The following BUB1B variants were observed in gnomAD, a reference collection of about 807,000 sequenced individuals.
The protein encoded by BUB1B is BUB1 mitotic checkpoint serine/threonine kinase B.
Under a neutral mutation model 137.7 loss-of-function variants are expected in BUB1B, and 86 were observed. The observed-to-expected ratio is 0.62, with a 90% CI of 0.52 to 0.75. BUB1B has a LOEUF of 0.75. Among genes scored for constraint, BUB1B ranks in the 30% least tolerant of loss-of-function variants. The pLI, the probability that BUB1B is intolerant of heterozygous loss-of-function variation, is 0.00. For missense variants in BUB1B, 1,130 were observed against 1,236.9 expected, an observed-to-expected ratio of 0.91 and a Z score of 1.30; for synonymous variants, 420 against 417.9, an observed-to-expected ratio of 1.00 and a Z score of -0.06.
Position 40,170,544 on chromosome 15 carries a change from A to G in BUB1B, c.247A>G (p.Ser83Gly), listed in dbSNP as rs147832586. 3.7e-6 allele frequency: 6 copies of G among 1,613,658 alleles called. No individual in the cohort carries two copies. Among genetic ancestry groups the G allele is most frequent in the Non-Finnish European group, 5.1e-6 (6 of 1,179,620 alleles). ...CTTTTTCCTCCCATTTAGGTATATC[A>G]GCTGGACAGAGCAGAACTATCCTCA... ...DPLDVWDRYI[S>G]WTEQNYPQGG... Residue 83 changes from serine (S) to glycine (G), a missense_variant, in exon 4 of 23, where the codon AGC (serine) becomes GGC (glycine). Transcript: ENST00000287598.
chr15:40,207,133 C>T (rs966988714), intron 15 of BUB1B, among the ~76,000 whole-genome samples: 4 of 152,022 alleles, frequency 2.6e-5, no homozygotes, highest in African/African-American at 9.7e-5. Flanking sequence ...TTTAAATAGG[C>T]AACTAGAGAT....
rs2037635089 is a variant in BUB1B at position 40,206,272 on chromosome 15, C to T, written c.1823C>T (p.Thr608Ile). The change falls in exon 15 of 23, where the codon ACT becomes ATT. Residue 608 changes from threonine to isoleucine, a missense_variant. Coordinates refer to ENST00000287598, the MANE Select transcript of BUB1B (RefSeq NM_001211.6). ...NVTICPNPED[T>I]CDFARAARFV... ...ACAATTTGTCCTAACCCAGAAGACACTTGTGACTTTGCCAGAGCAGCTCGT... is the reference window on the plus strand; with the variant it reads ...ACAATTTGTCCTAACCCAGAAGACATTTGTGACTTTGCCAGAGCAGCTCGT... 1 of 1,614,156 alleles carries T rather than the reference C, an allele frequency of 6.2e-7. No homozygotes were observed. Among genetic ancestry groups the T allele is most frequent in the East Asian group, 2.2e-5 (1 of 44,884 alleles).
chr15:40,206,899 TC>T (rs764547399), intron 15 of BUB1B, among the ~76,000 whole-genome samples: 86 of 152,298 alleles, frequency 5.6e-4, no homozygotes, highest in Non-Finnish European at 1.1e-3. Context: ...AACCTCCGTC[TC>T]CCGGGTTCAA....
intron 2 of BUB1B, among the ~76,000 whole-genome samples, chr15:40,168,367 C>G (rs1486772022): frequency 7.1e-6 from 1 of 140,062 alleles, no homozygotes; most frequent in Non-Finnish European, 1.6e-5. Flanking sequence ...AATTCCGTCT[C>G]AAAAAAAAAA....
chr15:40,170,708 G>A lies in BUB1B; in HGVS notation c.384+27G>A, dbSNP rs986380322. On this transcript the variant is annotated intron_variant, in intron 4 of 22. Transcript: ENST00000287598. The stretch of plus-strand genomic sequence containing the variant: ...TAAGTCTTTCTCAAGTGCCATCTGA[G>A]TTTTAAATATTAAACTAAGAGATTT... 3.4e-5 allele frequency: 55 copies of A among 1,607,386 alleles called. No homozygotes were observed. In the African/African-American group the frequency reaches 4.8e-4, roughly 14 times the overall value.
intron 5 of BUB1B, among the ~76,000 whole-genome samples, chr15:40,183,293 G>A (rs1020556871): frequency 6.6e-5 from 10 of 152,142 alleles, no homozygotes; most frequent in South Asian, 2.1e-4. Flanking sequence ...GCACGTGCGC[G>A]CATGCATGTG....
At chr15:40,181,343 G>A (rs1220641356) in intron 5 of BUB1B, among the ~76,000 whole-genome samples, 1 of 152,044 alleles carries the variant, frequency 6.6e-6, no homozygotes, top group African/African-American at 2.4e-5. Context: ...CACCCGCCTC[G>A]GCCTCCCAAA....
intron 8 of BUB1B, among the ~76,000 whole-genome samples, chr15:40,185,970 A>G (rs1026478826): frequency 1.8e-4 from 27 of 152,258 alleles, no homozygotes; most frequent in African/African-American, 6.5e-4. Flanking sequence ...TTATTAAGGA[A>G]TAAACATTAA....
intron 8 of BUB1B, among the ~76,000 whole-genome samples, chr15:40,187,549 C>T (rs1239318129): frequency 6.6e-6 from 1 of 151,738 alleles, no homozygotes. Context: ...TATGATCATG[C>T]CACAGCACTC....
At position 40,185,042 on chromosome 15, in the gene BUB1B, T is replaced by C. The variant is rs540523431; in HGVS notation, c.752-123T>C. ...TTTTAAAGATTATTTTTAAAATTTC[T>C]TTTTTTTTTTCTGTTGTAGTGGAAA... On this transcript the variant is annotated intron_variant, in intron 6 of 22. Coordinates refer to ENST00000287598, the MANE Select transcript of BUB1B (RefSeq NM_001211.6). The C allele has an allele frequency of 2.0e-3, 1,015 of 495,356 alleles. 1 individual carries two copies. Among genetic ancestry groups the C allele is most frequent in the Non-Finnish European group, 3.0e-3 (909 of 300,310 alleles). The allele number at this position is 495,356 out of a possible 1,614,324, so 30.7% of individuals were successfully genotyped here.
At chr15:40,205,687 A>G (rs1053855570) in intron 14 of BUB1B, among the ~76,000 whole-genome samples, 5 of 152,210 alleles carry the variant, frequency 3.3e-5, no homozygotes, top group African/African-American at 1.2e-4. Flanking sequence ...AAATACAAAA[A>G]GTATGAGAAA....
In BUB1B at chr15:40,196,570, A is replaced by G; in HGVS notation, c.1084A>G (p.Ile362Val). 6.2e-7 allele frequency: 1 copy of G among 1,613,978 alleles called. No homozygotes were observed. Among genetic ancestry groups the G allele is most frequent in the Non-Finnish European group, 8.5e-7 (1 of 1,179,868 alleles). ...VMTPCKIEPS[I>V]NHILSTRKPG... Reference sequence around the variant, plus strand: ...GACACCATGTAAAATTGAACCTAGTATAAACCACATCCTAAGCACCAGAAA... The same window carrying G: ...GACACCATGTAAAATTGAACCTAGTGTAAACCACATCCTAAGCACCAGAAA... Residue 362 changes from isoleucine to valine, a missense_variant, in exon 9 of 23, where the codon ATA (isoleucine) becomes GTA (valine). Ile to Val is a conservative substitution (Grantham distance 29, BLOSUM62 3). Transcript: ENST00000287598.
intron 5 of BUB1B, among the ~76,000 whole-genome samples, chr15:40,180,689 G>T (rs749898088): frequency 8.7e-6 from 1 of 114,322 alleles, no homozygotes; most frequent in Non-Finnish European, 1.6e-5. Context: ...TCGCTCTGTC[G>T]TCCGGGCTAC....
chr15:40,167,584 G>T (rs908348559), intron 2 of BUB1B, among the ~76,000 whole-genome samples: 1 of 151,896 alleles, frequency 6.6e-6, no homozygotes, highest in African/African-American at 2.4e-5. Context: ...CAGGTGATCC[G>T]CCCGCCTCGG....
intron 18 of BUB1B, among the ~76,000 whole-genome samples, chr15:40,210,923 A>G (rs1012021658): frequency 3.3e-5 from 5 of 152,200 alleles, no homozygotes; most frequent in Admixed American, 2.0e-4. Context: ...ATGCCTTTTC[A>G]TAAGTTTGTT....
At chr15:40,174,607 A>G (rs188637158) in intron 4 of BUB1B, among the ~76,000 whole-genome samples, 86 of 152,326 alleles carry the variant, frequency 5.6e-4, no homozygotes, top group Middle Eastern at 3.4e-3. Flanking sequence ...TAAATAGGAG[A>G]TATTTGGTAA....
In BUB1B at chr15:40,220,944, T is replaced by C; in HGVS notation, c.*185T>C. ...TTTTATACAGTGATATACTTACTCA[T>C]GGCCTTGTCTAACTTTTGTGAAGAA... On this transcript the variant is annotated 3_prime_UTR_variant, in exon 23 of 23. Transcript: ENST00000287598. The C allele has an allele frequency of 1.5e-6, 1 of 655,666 alleles. No individual in the cohort carries two copies. The allele number at this position is 655,666 out of a possible 1,614,324, so 40.6% of individuals were successfully genotyped here. A position where few individuals can be genotyped will look rare whatever the true frequency, so the allele number is the denominator to read the frequency against.
At chr15:40,184,669 G>A (rs2037337461) in intron 6 of BUB1B, among the ~76,000 whole-genome samples, 1 of 152,046 alleles carries the variant, frequency 6.6e-6, no homozygotes, top group South Asian at 2.1e-4. Context: ...TTAGGATATA[G>A]GGAGTGTATG....
chr15:40,170,665 A>T lies in BUB1B; in HGVS notation c.368A>T (p.Asn123Ile). The T allele has an allele frequency of 3.1e-6, 5 of 1,613,756 alleles. No homozygotes were observed. The highest frequency in any genetic ancestry group is 1.3e-5 in the African/African-American group (1 of 75,052). The stretch of plus-strand genomic sequence containing the variant: ...TATTATAGTGATCCTCGATTTCTCA[A>T]TCTCTGGCTTAAATTAGTAAGTCTT... ...KRYYSDPRFL[N>I]LWLKLGRLCN... is the part of the protein sequence containing the mutation. The change falls in exon 4 of 23, where the codon AAT becomes ATT. Residue 123 changes from asparagine (N) to isoleucine (I), a missense_variant. By Grantham distance (149) the Asn-to-Ile change is moderately radical (BLOSUM62 -3). Transcript: ENST00000287598.
Sources: allele counts gnomAD v4.1 joint callset (sites outside exome capture counted in the v4.1 genomes callset), GRCh38; gene constraint gnomAD v4.1.1; transcripts MANE v1.5; gene names NCBI Gene and HGNC (gene_info 2026-07-23, HGNC 2026-07-21).